CTNND2: variants seen among roughly 807,000 people sequenced by gnomAD.
CTNND2 encodes catenin delta-2.
A neutral mutation model predicts 144.4 loss-of-function variants in CTNND2; 22 were observed. The observed-to-expected ratio is 0.15, with a 90% CI of 0.11 to 0.22. The LOEUF (loss-of-function observed/expected upper bound fraction) is 0.22, where lower values mean the gene tolerates loss of function less well. CTNND2 is among the 10% of genes least tolerant of loss of function. The probability of loss-of-function intolerance (pLI) is 1.00; values close to 1 mark genes in which losing one functional copy is unlikely to be tolerated. For missense variants in CTNND2, 1,353 were observed against 1,618.8 expected (o/e 0.84, Z 2.82); for synonymous variants, 751 against 695.6 (o/e 1.08, Z -1.25).
At chr5:11,703,718 T>C (rs1410682813) in intron 2 of CTNND2, among the ~76,000 whole-genome samples, 1 of 152,212 alleles carries the variant, frequency 6.6e-6, no homozygotes, top group African/African-American at 2.4e-5. Context: ...ACTTTCAGTC[T>C]TTTGGGTCTC....
chr5:10,992,918 G>T (rs1262229778), intron 18 of CTNND2, among the ~76,000 whole-genome samples: 1 of 152,078 alleles, frequency 6.6e-6, no homozygotes, highest in Non-Finnish European at 1.5e-5. Flanking sequence ...TTGAATAAAT[G>T]GTCCCTTTAC....
intron 2 of CTNND2, among the ~76,000 whole-genome samples, chr5:11,718,314 T>C (rs1786469157): frequency 6.6e-6 from 1 of 152,140 alleles, no homozygotes; most frequent in African/African-American, 2.4e-5. Flanking sequence ...ATCCCACCTT[T>C]TGTGAGAATT....
At chr5:11,757,435 G>A (rs1173200350) in intron 1 of CTNND2, among the ~76,000 whole-genome samples, 1 of 151,520 alleles carries the variant, frequency 6.6e-6, no homozygotes, top group Middle Eastern at 3.2e-3. Context: ...CTTTATAAGG[G>A]TGTATGTGTG....
chr5:11,417,908 T>C (rs1416124585), intron 3 of CTNND2, among the ~76,000 whole-genome samples: 2 of 152,168 alleles, frequency 1.3e-5, no homozygotes, highest in African/African-American at 4.8e-5. Flanking sequence ...GTTCCAGTAA[T>C]AGAAAAATAA....
chr5:11,328,990 A>T (rs1480175014), intron 9 of CTNND2, among the ~76,000 whole-genome samples: 1 of 152,130 alleles, frequency 6.6e-6, no homozygotes, highest in African/African-American at 2.4e-5. Context: ...GGCAGCTTAC[A>T]TGTTTCCTGA....
At chr5:11,311,399 C>A (rs1286696618) in intron 9 of CTNND2, among the ~76,000 whole-genome samples, 1 of 128,082 alleles carries the variant, frequency 7.8e-6, no homozygotes, top group Non-Finnish European at 1.7e-5. Flanking sequence ...TGCACCCTCA[C>A]CTCACATGCA....
In CTNND2 at chr5:10,988,881, T is replaced by G. The variant is rs1579962935; in HGVS notation, c.3212-639A>C. Among the ~76,000 whole-genome samples, 1 of 152,150 alleles carries G rather than the reference T, an allele frequency of 6.6e-6. No homozygotes were observed. Among genetic ancestry groups the G allele is most frequent in the Non-Finnish European group, 1.5e-5 (1 of 68,022 alleles). On this transcript the variant is annotated intron_variant, in intron 19 of 21. Coordinates refer to ENST00000304623, the MANE Select transcript of CTNND2 (RefSeq NM_001332.4). This position sits in a 1 kb window ranked among gnomAD's most constrained non-coding sequence, Gnocchi z 5.9. ...AGCTCTAGTTCCTGCTAGGGCATTC[T>G]TGCTCCAGCTTTTTGCATAAACACC... is the stretch of plus-strand genomic sequence containing the variant.
intron 12 of CTNND2, among the ~76,000 whole-genome samples, chr5:11,124,944 C>T (rs1055450932): frequency 3.9e-5 from 6 of 152,194 alleles, no homozygotes; most frequent in Admixed American, 6.5e-5. Context: ...GAGCAGCACG[C>T]TGCTCTCCTA....
At chr5:11,618,150 T>C (rs977146930) in intron 2 of CTNND2, among the ~76,000 whole-genome samples, 7 of 152,074 alleles carry the variant, frequency 4.6e-5, no homozygotes, top group Non-Finnish European at 1.0e-4. Flanking sequence ...GATGTCCATT[T>C]CATGTCATTT....
At chr5:11,191,550 G>C (rs1343668132) in intron 11 of CTNND2, among the ~76,000 whole-genome samples, 3 of 152,200 alleles carry the variant, frequency 2.0e-5, no homozygotes, top group Non-Finnish European at 2.9e-5. Flanking sequence ...GTTGCAGGTT[G>C]AGACTGTCCA....
intron 12 of CTNND2, among the ~76,000 whole-genome samples, chr5:11,120,735 A>C (rs1380757043): frequency 6.6e-6 from 1 of 151,886 alleles, no homozygotes; most frequent in African/African-American, 2.4e-5. Flanking sequence ...TACTGTCTGC[A>C]GGCATGATGA....
chr5:11,258,571 T>C (rs1447774916), intron 9 of CTNND2, among the ~76,000 whole-genome samples: 3 of 152,348 alleles, frequency 2.0e-5, no homozygotes, highest in Middle Eastern at 3.4e-3. Flanking sequence ...GATCTAATCT[T>C]GGTAAGTTTC....
intron 1 of CTNND2, among the ~76,000 whole-genome samples, chr5:11,863,114 G>A (rs562711458): frequency 3.3e-5 from 5 of 152,202 alleles, no homozygotes; most frequent in Admixed American, 1.3e-4. Context: ...AAATGTCCAC[G>A]TGTTTAAATT....
At chr5:11,521,697 T>C (rs1361392357) in intron 3 of CTNND2, among the ~76,000 whole-genome samples, 2 of 152,224 alleles carry the variant, frequency 1.3e-5, no homozygotes, top group African/African-American at 2.4e-5. Context: ...ACATATTATC[T>C]TCTTTGGTAG....
intron 2 of CTNND2, among the ~76,000 whole-genome samples, chr5:11,706,279 T>C (rs1785688564): frequency 6.6e-6 from 1 of 152,210 alleles, no homozygotes; most frequent in South Asian, 2.1e-4. Context: ...AGTGTGCTTT[T>C]TTAGGCCAAA....
intron 2 of CTNND2, among the ~76,000 whole-genome samples, chr5:11,642,236 G>A (rs1435603349): frequency 6.6e-6 from 1 of 152,086 alleles, no homozygotes; most frequent in Non-Finnish European, 1.5e-5. Context: ...TATCCGTAAT[G>A]AAAACACATA....
intron 2 of CTNND2, among the ~76,000 whole-genome samples, chr5:11,699,947 T>C (rs1015876740): frequency 2.0e-5 from 3 of 152,234 alleles, no homozygotes; most frequent in African/African-American, 7.2e-5. Context: ...AGTCGGATAC[T>C]TGGTAGAAGC....
At chr5:11,529,750 A>T (rs1220695846) in intron 3 of CTNND2, among the ~76,000 whole-genome samples, 2 of 152,150 alleles carry the variant, frequency 1.3e-5, no homozygotes, top group Admixed American at 6.5e-5. Flanking sequence ...ACATTTTCAT[A>T]AAAAAGGGCT....
chr5:11,473,066 C>A (rs74423042), intron 3 of CTNND2, among the ~76,000 whole-genome samples: 4,100 of 151,962 alleles, frequency 0.027, 79 homozygotes, highest in South Asian at 0.067. Flanking sequence ...CAAAACTCTG[C>A]CTCAAAAAAG....
Sources: gnomAD v4.1 joint callset for allele counts (sites outside exome capture counted in the v4.1 genomes callset) on GRCh38, gnomAD v4.1.1 for gene constraint, Gnocchi (gnomAD v3.1) non-coding constraint, MANE v1.5 for transcripts, NCBI Gene and HGNC (gene_info 2026-07-23, HGNC 2026-07-21) for gene names.